Variants in PDGFRA observed in about 807,000 individuals in gnomAD.
The protein encoded by PDGFRA is platelet derived growth factor receptor alpha.
PDGFRA carries 25 observed loss-of-function variants against 121.5 expected under a neutral mutation model. That is an observed-to-expected ratio of 0.21 (90% confidence interval 0.15 to 0.29). PDGFRA has a LOEUF of 0.29. Among genes scored for constraint, PDGFRA ranks in the 10% least tolerant of loss-of-function variants. The probability of loss-of-function intolerance (pLI) is 1.00; values close to 1 mark genes in which losing one functional copy is unlikely to be tolerated. For missense variants in PDGFRA, 1,008 were observed against 1,345.1 expected (o/e 0.75, Z 3.92); for synonymous variants, 463 against 494.8 (o/e 0.94, Z 0.85).
At position 54,274,638 on chromosome 4, in the gene PDGFRA, T is replaced by C. The variant is rs1264445106; in HGVS notation, c.1653+13T>C. On this transcript the variant is annotated intron_variant, in intron 11 of 22. Coordinates refer to ENST00000257290, the MANE Select transcript of PDGFRA (RefSeq NM_006206.6). ...CATTTGGAAACAGGTAGATATTTTC[T>C]CATAAAACTAAAGATCTTTGAAGCC... is the stretch of plus-strand genomic sequence containing the variant. 1.3e-6 allele frequency: 2 copies of C among 1,593,862 alleles called. No homozygotes were observed. Among genetic ancestry groups the C allele is most frequent in the Non-Finnish European group, 1.7e-6 (2 of 1,161,436 alleles).
At chr4:54,241,185 A>G (rs577232184) in intron 1 of PDGFRA, among the ~76,000 whole-genome samples, 1 of 152,338 alleles carries the variant, frequency 6.6e-6, no homozygotes, top group South Asian at 2.1e-4. Context: ...GATGTCATTT[A>G]TATGTGGGGT....
In PDGFRA at chr4:54,296,315, A is replaced by G. The variant is rs760841267; in HGVS notation, c.*1043A>G. ...CTGTGCTGAACATAACTTCTCATGT[A>G]TATTACCCAATGGAAAATATAATGA... On this transcript the variant is annotated 3_prime_UTR_variant, in exon 23 of 23. Coordinates refer to ENST00000257290, the MANE Select transcript of PDGFRA (RefSeq NM_006206.6). The G allele has an allele frequency of 4.3e-6, 1 of 232,620 alleles. No homozygotes were observed. The highest frequency in any genetic ancestry group is 8.5e-6 in the Non-Finnish European group (1 of 117,826). The allele number at this position is 232,620 out of a possible 1,614,324, so 14.4% of individuals were successfully genotyped here. A position where few individuals can be genotyped will look rare whatever the true frequency, so the allele number is the denominator to read the frequency against.
At chr4:54,230,075 C>G (rs1720577921) in intron 1 of PDGFRA, 1 of 152,290 alleles carries the variant, frequency 6.6e-6, no homozygotes, top group South Asian at 2.1e-4. Context: ...GCCGAATGCG[C>G]GTGATTACTG....
chr4:54,260,159 C>T (rs138961200), intron 2 of PDGFRA, among the ~76,000 whole-genome samples: 30 of 152,152 alleles, frequency 2.0e-4, no homozygotes, highest in African/African-American at 6.3e-4. Context: ...AATTAAAATC[C>T]GTATCATCTG....
intron 3 of PDGFRA, among the ~76,000 whole-genome samples, chr4:54,261,914 TATATATATATATATATA>T (rs1294616036): frequency 2.5e-3 from 152 of 60,622 alleles, no homozygotes; most frequent in African/African-American, 7.1e-3. Context: ...TATATATATA[TATATATATATATATATA>T]TTTTTTTTTT....
intron 2 of PDGFRA, among the ~76,000 whole-genome samples, chr4:54,259,119 A>G (rs1722541644): frequency 6.6e-6 from 1 of 152,142 alleles, no homozygotes; most frequent in Non-Finnish European, 1.5e-5. Flanking sequence ...TTTTCCTAGG[A>G]CAAGGCTTCT....
chr4:54,243,767 C>A (rs1363982249), intron 1 of PDGFRA: 1 of 152,592 alleles, frequency 6.6e-6, no homozygotes, highest in Non-Finnish European at 1.5e-5. Context: ...CAAGCCATTG[C>A]CTCACTCGGA....
intron 18 of PDGFRA, among the ~76,000 whole-genome samples, chr4:54,286,890 C>T (rs1724389691): frequency 6.6e-6 from 1 of 152,204 alleles, no homozygotes; most frequent in African/African-American, 2.4e-5. Flanking sequence ...CAGCAGATGA[C>T]ATAGCTCCCT....
intron 16 of PDGFRA, chr4:54,281,441 G>C (rs567798275): frequency 4.9e-5 from 20 of 406,876 alleles, no homozygotes; most frequent in African/African-American, 4.0e-4. Flanking sequence ...CCATTTCTGC[G>C]GTTCCAAGTT....
At chr4:54,276,684 T>C (rs1268696012) in intron 12 of PDGFRA, 1 of 152,626 alleles carries the variant, frequency 6.6e-6, no homozygotes, top group African/African-American at 2.4e-5. Flanking sequence ...TAAGAGGCAG[T>C]GTTGGCTGTT....
chr4:54,289,763 T>G (rs566550999), intron 21 of PDGFRA, among the ~76,000 whole-genome samples: 25 of 152,292 alleles, frequency 1.6e-4, no homozygotes, highest in African/African-American at 5.1e-4. Flanking sequence ...CTTCTGTCTG[T>G]TAATTATCTC....
chr4:54,296,311 A>G lies in PDGFRA; in HGVS notation c.*1039A>G, dbSNP rs981481475. ...AAACCTGTGCTGAACATAACTTCTCATGTATATTACCCAATGGAAAATATA... is the reference window on the plus strand; with the variant it reads ...AAACCTGTGCTGAACATAACTTCTCGTGTATATTACCCAATGGAAAATATA... On this transcript the variant is annotated 3_prime_UTR_variant, in exon 23 of 23. Transcript: ENST00000257290. 8.6e-6 allele frequency: 2 copies of G among 232,794 alleles called. No individual in the cohort carries two copies. Among genetic ancestry groups the G allele is most frequent in the Non-Finnish European group, 1.7e-5 (2 of 117,842 alleles). 14.4% of individuals were successfully genotyped at this position (232,794 alleles called of 1,614,324 possible). A position where few individuals can be genotyped will look rare whatever the true frequency, so the allele number is the denominator to read the frequency against.
intron 2 of PDGFRA, among the ~76,000 whole-genome samples, chr4:54,260,397 G>GTTTTTTTTTTTTTTTTTTTTTT (rs68009440): frequency 1.5e-5 from 1 of 64,564 alleles, no homozygotes; most frequent in African/African-American, 6.8e-5. Context: ...TTCCATGTGG[G>GTTTTTTTTTTTTTTTTTTTTTT]TTTTTTTTTT....
At position 54,288,866 on chromosome 4, in the gene PDGFRA, G is replaced by C. The variant is rs56384252; in HGVS notation, c.2742G>C (p.Arg914=). The stretch of plus-strand genomic sequence containing the variant: ...ACAATAAGATCAAGAGTGGGTACCG[G>C]ATGGCCAAGCCTGACCACGCTACCA... ...TFYNKIKSGY[R]MAKPDHATSE... Residue 914 remains arginine, a synonymous_variant, in exon 20 of 23, where the codon CGG becomes CGC. Coordinates refer to ENST00000257290, the MANE Select transcript of PDGFRA (RefSeq NM_006206.6). 85 of 1,612,980 alleles carry C rather than the reference G, an allele frequency of 5.3e-5. No homozygotes were observed. The highest frequency in any genetic ancestry group is 6.9e-5 in the Non-Finnish European group (81 of 1,179,080).
At chr4:54,237,132 C>A (rs774841396) in intron 1 of PDGFRA, among the ~76,000 whole-genome samples, 1 of 152,082 alleles carries the variant, frequency 6.6e-6, no homozygotes, top group Non-Finnish European at 1.5e-5. Flanking sequence ...CCATGCCTGG[C>A]TAATTTTTTG....
chr4:54,281,635 C>G, intron 16 of PDGFRA: 1 of 1,359,594 alleles, frequency 7.4e-7, no homozygotes, highest in Non-Finnish European at 9.7e-7. Context: ...CATGCTCAGG[C>G]CCAAGCCCTG....
At chr4:54,282,452 T>TA (rs1724128730) in intron 16 of PDGFRA, among the ~76,000 whole-genome samples, 1 of 152,188 alleles carries the variant, frequency 6.6e-6, no homozygotes, top group Non-Finnish European at 1.5e-5. Flanking sequence ...AGTCAGATCT[T>TA]ACAAGAAGTC....
At chr4:54,293,258 CTA>C (rs60719334) in intron 22 of PDGFRA, among the ~76,000 whole-genome samples, 30,467 of 151,838 alleles carry the variant, frequency 0.2, 3,720 homozygotes, top group African/African-American at 0.33. Flanking sequence ...TCTGTCTTCT[CTA>C]TGTGTTGTAA....
At chr4:54,264,399 A>G in intron 4 of PDGFRA, 1 of 245,094 alleles carries the variant, frequency 4.1e-6, no homozygotes, top group African/African-American at 2.3e-5. Flanking sequence ...TGAACACTAT[A>G]TTACATGGAG....
Sources: gnomAD v4.1 joint callset for allele counts (sites outside exome capture counted in the v4.1 genomes callset) on GRCh38, gnomAD v4.1.1 for gene constraint, MANE v1.5 for transcripts, NCBI Gene and HGNC (gene_info 2026-07-23, HGNC 2026-07-21) for gene names.